Variants in BPTF observed in about 807,000 individuals in gnomAD.
BPTF encodes the protein nucleosome-remodeling factor subunit BPTF.
In BPTF, 18 loss-of-function variants were observed where a neutral mutation model predicts 292.5. That is an observed-to-expected ratio of 0.06 (90% CI 0.04 to 0.09). The LOEUF is 0.09. Ranked by LOEUF, BPTF falls within the 10% of genes least tolerant of loss-of-function variation. BPTF has a pLI of 1.00. For synonymous variants in BPTF, 1,225 were observed against 1,251.9 expected (o/e 0.98, Z 0.45); for missense variants, 2,726 against 3,498.7 (o/e 0.78, Z 5.57).
At chr17:67,837,389 C>T (rs2057212950) in intron 1 of BPTF, among the ~76,000 whole-genome samples, 1 of 151,926 alleles carries the variant, frequency 6.6e-6, no homozygotes, top group African/African-American at 2.4e-5. Context: ...TTTAAACCTT[C>T]CCTAGTCTGT....
chr17:67,871,802 T>C (rs773331280), intron 3 of BPTF, among the ~76,000 whole-genome samples: 14 of 152,140 alleles, frequency 9.2e-5, no homozygotes, highest in Non-Finnish European at 1.8e-4. Context: ...TTGGGTCTCT[T>C]TTTCTTTTTG....
At position 67,875,919 on chromosome 17, in the gene BPTF, G is replaced by A. The variant is rs1426858753; in HGVS notation, c.1864+899G>A. ...CATTTGGAGTTTGATAAATGTCCTC[G>A]CAGTTAGTGCTTGAAACTCATCATA... On this transcript the variant is annotated intron_variant, in intron 4 of 27. Transcript: ENST00000306378. 2.6e-5 allele frequency among the ~76,000 whole-genome samples: 4 copies of A among 152,170 alleles called. No individual in the cohort carries two copies. The South Asian group carries it at 6.2e-4, about 24-fold the overall frequency.
chr17:67,875,825 C>G, intron 4 of BPTF: 4 of 1,182,878 alleles, frequency 3.4e-6, no homozygotes, highest in Non-Finnish European at 4.4e-6. Context: ...TCACCTAAAA[C>G]CTTAAACTAT....
At chr17:67,895,603 C>T (rs765228070) in intron 7 of BPTF, among the ~76,000 whole-genome samples, 1 of 151,718 alleles carries the variant, frequency 6.6e-6, no homozygotes, top group African/African-American at 2.4e-5. Context: ...GTTGGGACTA[C>T]AGACGCATTC....
intron 7 of BPTF, among the ~76,000 whole-genome samples, chr17:67,894,963 G>A (rs912621654): frequency 6.6e-6 from 1 of 152,080 alleles, no homozygotes; most frequent in Non-Finnish European, 1.5e-5. Context: ...TCTTTAAAAA[G>A]TTATTATTAC....
rs2058569501 is a variant in BPTF, at chr17:67,854,141, C to T, written c.815C>T (p.Ala272Val). Residue 272 changes from alanine to valine, a missense_variant, in exon 2 of 28, where the codon GCA becomes GTA. Coordinates refer to ENST00000306378, the MANE Select transcript of BPTF (RefSeq NM_182641.4). The surrounding 1 kb of genome is among the most constrained non-coding windows in gnomAD (Gnocchi z 5.6). ...LSPFRFEDFC[A>V]ALVSQEQCTL... ...CCTTTTCGCTTTGAGGACTTTTGTG[C>T]AGCTCTGGTGAGCCAAGAGCAGTGC... 2 of 1,614,090 alleles carry T rather than the reference C, an allele frequency of 1.2e-6. No homozygotes were observed. Among genetic ancestry groups the T allele is most frequent in the African/African-American group, 1.3e-5 (1 of 74,922 alleles).
intron 1 of BPTF, among the ~76,000 whole-genome samples, chr17:67,832,131 G>T (rs1420202653): frequency 2.0e-5 from 3 of 151,830 alleles, no homozygotes; most frequent in Admixed American, 6.6e-5. Context: ...CTTGTGATCC[G>T]CCTGCCTCAG....
chr17:67,924,103 G>A (rs551666435), intron 14 of BPTF, among the ~76,000 whole-genome samples: 262 of 152,186 alleles, frequency 1.7e-3, no homozygotes, highest in African/African-American at 6.2e-3. Context: ...GGTTCAAGCA[G>A]TTCTCCTGCC....
rs1568144700 is a variant in BPTF at position 67,946,139 on chromosome 17, A to G, written c.7431A>G (p.Gln2477=). 1.2e-6 allele frequency: 2 copies of G among 1,614,182 alleles called. No homozygotes were observed. Among genetic ancestry groups the G allele is most frequent in the Non-Finnish European group, 1.7e-6 (2 of 1,180,026 alleles). ...TCCAGTTACCTATCCAAATTCAGCA[A>G]AGCAGTGCTGTGCAGACTCACCAGA... is the stretch of plus-strand genomic sequence containing the variant. ...IKLQLPIQIQ[Q]SSAVQTHQIQ... is the part of the protein sequence containing the mutation. The change falls in exon 21 of 28, where the codon CAA becomes CAG. Residue 2477 remains glutamine, a synonymous_variant. Transcript: ENST00000306378.
Position 67,927,816 on chromosome 17 carries a change from G to A in BPTF, c.5752-539G>A, listed in dbSNP as rs1170147133. Among the ~76,000 whole-genome samples, 4 of 152,056 alleles carry A rather than the reference G, an allele frequency of 2.6e-5. No individual in the cohort carries two copies. In the East Asian group the frequency reaches 7.7e-4, roughly 29 times the overall value. Reference sequence around the variant, plus strand: ...TGTGGTATAGAGACATGAAAATACTGCCTTCATAGATAGGTACCTTGGAGG... The same window carrying A: ...TGTGGTATAGAGACATGAAAATACTACCTTCATAGATAGGTACCTTGGAGG... On this transcript the variant is annotated intron_variant, in intron 15 of 27. Transcript: ENST00000306378.
intron 4 of BPTF, among the ~76,000 whole-genome samples, chr17:67,877,981 A>G (rs2060149508): frequency 6.6e-6 from 1 of 152,222 alleles, no homozygotes; most frequent in South Asian, 2.1e-4. Context: ...ATAAATATTA[A>G]GTGAATAACT....
At chr17:67,934,053 G>GA (rs1029607739) in intron 18 of BPTF, among the ~76,000 whole-genome samples, 9 of 145,990 alleles carry the variant, frequency 6.2e-5, no homozygotes, top group Middle Eastern at 3.5e-3. Flanking sequence ...TCAGAAAAAA[G>GA]AAAAAAAAAA....
intron 7 of BPTF, among the ~76,000 whole-genome samples, chr17:67,903,493 A>G (rs938141126): frequency 3.3e-5 from 5 of 152,258 alleles, no homozygotes; most frequent in African/African-American, 1.2e-4. Context: ...GTAATGGACT[A>G]TGTAAAGAGA....
At chr17:67,913,799 A>G (rs1311662698) in intron 11 of BPTF, among the ~76,000 whole-genome samples, 2 of 152,166 alleles carry the variant, frequency 1.3e-5, no homozygotes, top group East Asian at 1.9e-4. Context: ...CTAAATAGAT[A>G]GTGTTGGTAG....
intron 4 of BPTF, among the ~76,000 whole-genome samples, chr17:67,889,062 G>T (rs2060933092): frequency 6.6e-6 from 1 of 152,136 alleles, no homozygotes; most frequent in African/African-American, 2.4e-5. Flanking sequence ...TAGTCCTCAG[G>T]TGAAGAGTTT....
intron 9 of BPTF, among the ~76,000 whole-genome samples, chr17:67,906,718 TA>T (rs1375618599): frequency 2.0e-5 from 3 of 152,210 alleles, no homozygotes; most frequent in Non-Finnish European, 2.9e-5. Context: ...AAAATAGATA[TA>T]TTTTTTATAT....
In BPTF at chr17:67,926,355, C is replaced by G. The variant is rs867361956; in HGVS notation, c.5751+1766C>G. On this transcript the variant is annotated intron_variant, in intron 15 of 27. Coordinates refer to ENST00000306378, the MANE Select transcript of BPTF (RefSeq NM_182641.4). Reference sequence around the variant, plus strand: ...TTTTTTTTTTTTTGAGATGGAGTCTCACTCTGTCACCCAGGCTGGAGTGCA... The same window carrying G: ...TTTTTTTTTTTTTGAGATGGAGTCTGACTCTGTCACCCAGGCTGGAGTGCA... Among the ~76,000 whole-genome samples, 17 of 114,178 alleles carry G rather than the reference C, an allele frequency of 1.5e-4. 1 individual carries two copies. The highest frequency in any genetic ancestry group is 9.8e-3 in the Middle Eastern group (1 of 102). 74.9% of individuals were successfully genotyped at this position (114,178 alleles called of 152,430 possible).
intron 1 of BPTF, among the ~76,000 whole-genome samples, chr17:67,838,760 GC>G (rs747039793): frequency 7.2e-5 from 11 of 152,202 alleles, no homozygotes; most frequent in Admixed American, 2.0e-4. Context: ...ACAGGCGTGA[GC>G]CACCACACCC....
In BPTF at chr17:67,976,166, G is replaced by A. The variant is rs868973712; in HGVS notation, c.8726+208G>A. On this transcript the variant is annotated intron_variant, in intron 27 of 27. Transcript: ENST00000306378. ...TGGGTTTGTTGTTGATCTACTTAAA[G>A]TCTTTTTTTGAAAATTCAAGAAGTG... 2.1e-5 allele frequency: 8 copies of A among 384,116 alleles called. 1 individual carries two copies. Among genetic ancestry groups the A allele is most frequent in the Middle Eastern group, 7.2e-4 (1 of 1,390 alleles). The allele number at this position is 384,116 out of a possible 1,614,324, so 23.8% of individuals were successfully genotyped here.
Sources: gnomAD v4.1 joint callset for allele counts (sites outside exome capture counted in the v4.1 genomes callset) on GRCh38, gnomAD v4.1.1 for gene constraint, Gnocchi (gnomAD v3.1) non-coding constraint, MANE v1.5 for transcripts, NCBI Gene and HGNC (gene_info 2026-07-23, HGNC 2026-07-21) for gene names.